The following TSC2 variants were observed in gnomAD, a reference collection of about 807,000 sequenced individuals.
TSC2 encodes the protein tuberin.
TSC2 carries 29 observed loss-of-function variants against 202.2 expected under a neutral mutation model. The observed-to-expected ratio is 0.14, with a 90% CI of 0.11 to 0.20. The LOEUF is 0.20. Ranked by LOEUF, TSC2 falls within the 10% of genes least tolerant of loss-of-function variation. TSC2 has a pLI of 1.00. For missense variants in TSC2, 2,429 were observed against 2,420.0 expected (o/e 1.00, Z -0.08); for synonymous variants, 1,349 against 1,044.0 (o/e 1.29, Z -5.63).
chr16:2,080,658 G>A (rs1036719260), intron 30 of TSC2: 8 of 435,886 alleles, frequency 1.8e-5, no homozygotes, highest in South Asian at 4.5e-5. Flanking sequence ...CAATTTTTTT[G>A]TATTTCTAGT....
At position 2,067,292 on chromosome 16, in the gene TSC2, G is replaced by T. The variant is rs1033207605; in HGVS notation, c.1716+1657G>T. On this transcript the variant is annotated intron_variant, in intron 16 of 41. Transcript: ENST00000219476. ...TCCTGCCTCGGAGGCCTCCCAAGTA[G>T]CTGGGACCATAGGCACACGTCACCA... Among the ~76,000 whole-genome samples the T allele has an allele frequency of 2.6e-5, 4 of 152,114 alleles. No homozygotes were observed. In the South Asian group the frequency reaches 8.3e-4, roughly 31 times the overall value.
chr16:2,073,409 C>T (rs996905741), intron 21 of TSC2, among the ~76,000 whole-genome samples: 1 of 152,264 alleles, frequency 6.6e-6, no homozygotes, highest in Non-Finnish European at 1.5e-5. Context: ...TCTGCCTCGC[C>T]CCCGTCCCAG....
At chr16:2,081,170 C>G in intron 30 of TSC2, 1 of 320,248 alleles carries the variant, frequency 3.1e-6, no homozygotes, top group Non-Finnish European at 6.1e-6. Flanking sequence ...AGCATACCAA[C>G]ATGGGGGCAC....
rs1596465827 is a variant in TSC2, at chr16:2,088,728, T to C, written c.*118T>C. On this transcript the variant is annotated 3_prime_UTR_variant, in exon 42 of 42. Coordinates refer to ENST00000219476, the MANE Select transcript of TSC2 (RefSeq NM_000548.5). The stretch of plus-strand genomic sequence containing the variant: ...ACAGATTGCAGTCAGACAGCTCTTT[T>C]ATTGACTTTGTCTGCTTGGTGCGGG... 2 of 1,384,292 alleles carry C rather than the reference T, an allele frequency of 1.4e-6. No homozygotes were observed. Among genetic ancestry groups the C allele is most frequent in the South Asian group, 1.3e-5 (1 of 76,346 alleles). The allele number at this position is 1,384,292 out of a possible 1,614,324, so 85.8% of individuals were successfully genotyped here.
At position 2,079,224 on chromosome 16, in the gene TSC2, G is replaced by A. The variant is rs2151435914; in HGVS notation, c.3131+28G>A. ...CCAGGCGGCACTACAGGGCTGGGCG[G>A]GCCTGCGGGAGCTCCACGGGCAAGC... On this transcript the variant is annotated intron_variant, in intron 27 of 41. Coordinates refer to ENST00000219476, the MANE Select transcript of TSC2 (RefSeq NM_000548.5). This position sits in a 1 kb window ranked among gnomAD's most constrained non-coding sequence, Gnocchi z 4.6. 1 of 1,612,840 alleles carries A rather than the reference G, an allele frequency of 6.2e-7. No individual in the cohort carries two copies. The highest frequency in any genetic ancestry group is 8.5e-7 in the Non-Finnish European group (1 of 1,180,012).
At chr16:2,049,444 T>C (rs886659248) in intron 2 of TSC2, among the ~76,000 whole-genome samples, 5 of 152,208 alleles carry the variant, frequency 3.3e-5, no homozygotes, top group Admixed American at 2.6e-4. Context: ...GCATTGTGTT[T>C]TGCCCATGAG....
intron 34 of TSC2, 87 bp from the exon 35 acceptor site, chr16:2,084,864 A>T (rs894258772): frequency 3.0e-5 from 48 of 1,602,972 alleles, no homozygotes; most frequent in Non-Finnish European, 4.0e-5. Flanking sequence ...GGAGTGGGAG[A>T]TGGCCAGGCT....
At position 2,070,463 on chromosome 16, in the gene TSC2, T is replaced by C. The variant is rs1567456901; in HGVS notation, c.1724T>C (p.Leu575Pro). 1.2e-6 allele frequency: 2 copies of C among 1,613,372 alleles called. No individual in the cohort carries two copies. The highest frequency in any genetic ancestry group is 1.7e-6 in the Non-Finnish European group (2 of 1,180,028). Residue 575 changes from leucine to proline, a missense_variant, in exon 17 of 42, where the codon CTG becomes CCG. Physicochemically the swap from Leu to Pro is moderately conservative, Grantham distance 98 (BLOSUM62 -3). Coordinates refer to ENST00000219476, the MANE Select transcript of TSC2 (RefSeq NM_000548.5). ...LGLLVILQTK[L>P]YTLPASHATR... ...TGCGTCCTCTCTCTGCAGACCAAGC[T>C]GTACACCCTGCCTGCAAGCCACGCC...
chr16:2,074,878 G>A, intron 22 of TSC2: 1 of 233,690 alleles, frequency 4.3e-6, no homozygotes, highest in Non-Finnish European at 8.6e-6. Context: ...TGGGCCACAT[G>A]CAGGTCCTGT....
chr16:2,057,865 C>T (rs1596284151), intron 9 of TSC2, among the ~76,000 whole-genome samples: 5 of 22,068 alleles, frequency 2.3e-4, no homozygotes, highest in African/African-American at 1.1e-3. Context: ...TGCCTCGGCC[C>T]CTGCATCTCT....
chr16:2,049,147 A>G (rs773375261), intron 2 of TSC2, among the ~76,000 whole-genome samples: 11 of 151,948 alleles, frequency 7.2e-5, no homozygotes, highest in Non-Finnish European at 1.5e-4. Context: ...GTGCAGTGGC[A>G]CAATCTCTGC....
At chr16:2,080,630 C>CCCA in intron 30 of TSC2, 1 of 510,408 alleles carries the variant, frequency 2.0e-6, no homozygotes, top group South Asian at 2.2e-5. Context: ...ACCACAGGCG[C>CCCA]CCGCCACCAC....
rs1567130394 is a variant in TSC2, at chr16:2,088,139, T to TGTGA, written c.5160+4_5160+7dup. 2 of 1,612,958 alleles carry TGTGA rather than the reference T, an allele frequency of 1.2e-6. No individual in the cohort carries two copies. The highest frequency in any genetic ancestry group is 2.7e-5 in the African/African-American group (2 of 75,024). ...CCCGCCAGATGGCCCTGCACGCAAA[T>TGTGA]GTGAGTGGGGGTGGGTCCAGGCGTG... On this transcript the variant is annotated frameshift_variant and splice_region_variant. Transcript: ENST00000219476. LOFTEE classifies it high-confidence loss of function.
chr16:2,075,735 T>C, intron 22 of TSC2, 64 bp from the exon 23 acceptor site: 2 of 1,551,450 alleles, frequency 1.3e-6, no homozygotes, highest in Non-Finnish European at 1.8e-6. Context: ...AGAGCAGCCG[T>C]GTTGGCCTTC....
At position 2,080,632 on chromosome 16, in the gene TSC2, C is replaced by T. The variant is rs187742440; in HGVS notation, c.3610+255C>T. ...CCGAGTAGCTGGGACCACAGGCGCC[C>T]GCCACCACGCCTGGCCAATTTTTTT... On this transcript the variant is annotated intron_variant, in intron 30 of 41. Coordinates refer to ENST00000219476, the MANE Select transcript of TSC2 (RefSeq NM_000548.5). The T allele has an allele frequency of 7.4e-4, 370 of 501,994 alleles. 2 individuals carry two copies. Among genetic ancestry groups the T allele is most frequent in the Middle Eastern group, 3.4e-3 (6 of 1,782 alleles). 31.1% of individuals were successfully genotyped at this position (501,994 alleles called of 1,614,324 possible). A position where few individuals can be genotyped will look rare whatever the true frequency, so the allele number is the denominator to read the frequency against.
chr16:2,076,787 C>A (rs1208106107), intron 25 of TSC2: 4 of 598,860 alleles, frequency 6.7e-6, no homozygotes, highest in Non-Finnish European at 1.2e-5. Context: ...TGGGTCCGGG[C>A]TGCGTGTGCC....
At chr16:2,083,392 A>T in intron 32 of TSC2, 1 of 538,406 alleles carries the variant, frequency 1.9e-6, no homozygotes, top group Non-Finnish European at 3.5e-6. Context: ...TCGGGCGGAG[A>T]GCGTCTTGCC....
At chr16:2,055,925 A>G (rs1012927607) in intron 6 of TSC2, 1 of 554,408 alleles carries the variant, frequency 1.8e-6, no homozygotes, top group Non-Finnish European at 3.2e-6. Flanking sequence ...GTACGTAGCT[A>G]TCTTCTGTTT....
rs1555506986 is a variant in TSC2, at chr16:2,072,939, A to T, written c.2311A>T (p.Thr771Ser). ...GCACCTGGCCGTGGTTCCAGTGCTG[A>T]CAGCATTAATCTCTTACCATAACTA... ...DLHLAVVPVLTALISYHNYLD... is the reference protein window; with the variant it reads ...DLHLAVVPVLSALISYHNYLD... The change falls in exon 21 of 42, where the codon ACA becomes TCA. Residue 771 changes from threonine to serine, a missense_variant. Physicochemically the swap from Thr to Ser is moderately conservative, Grantham distance 58 (BLOSUM62 1). Transcript: ENST00000219476. 2.5e-6 allele frequency: 4 copies of T among 1,613,632 alleles called. No homozygotes were observed. Among genetic ancestry groups the T allele is most frequent in the Non-Finnish European group, 3.4e-6 (4 of 1,180,038 alleles).
Sources: gnomAD v4.1 joint callset for allele counts (sites outside exome capture counted in the v4.1 genomes callset) on GRCh38, gnomAD v4.1.1 for gene constraint, Gnocchi (gnomAD v3.1) non-coding constraint, MANE v1.5 for transcripts, NCBI Gene and HGNC (gene_info 2026-07-23, HGNC 2026-07-21) for gene names.